The following SYNE2 variants were observed in gnomAD, a reference collection of about 807,000 sequenced individuals.
SYNE2 encodes the protein nesprin-2.
Under a neutral mutation model 856.3 loss-of-function variants are expected in SYNE2, and 431 were observed. The observed-to-expected ratio is 0.50, with a 90% CI of 0.47 to 0.55. The LOEUF is 0.55. Ranked by LOEUF, SYNE2 falls within the 20% of genes least tolerant of loss-of-function variation. SYNE2 has a pLI of 0.00. For missense variants in SYNE2, 8,129 were observed against 8,023.2 expected, an observed-to-expected ratio of 1.01 and a Z score of -0.50; for synonymous variants, 2,923 against 2,872.3, an observed-to-expected ratio of 1.02 and a Z score of -0.56.
At position 64,052,240 on chromosome 14, in the gene SYNE2, T is replaced by C; in HGVS notation, c.8327T>C (p.Leu2776Pro). The change falls in exon 48 of 116, where the codon CTA (leucine) becomes CCA (proline). Residue 2776 changes from leucine to proline, a missense_variant. Leu to Pro is a moderately conservative substitution (Grantham distance 98, BLOSUM62 -3). Coordinates refer to ENST00000555002, the MANE Select transcript of SYNE2 (RefSeq NM_182914.3). ...TGCAAAGTGACACATGATGGCATTC[T>C]AGCTAGGCAGCAGTCTGTGGAATCG... Reference protein sequence around the residue: ...RKCKVTHDGILARQQSVESLA... With the variant: ...RKCKVTHDGIPARQQSVESLA... The C allele has an allele frequency of 6.2e-7, 1 of 1,614,216 alleles. No individual in the cohort carries two copies. The highest frequency in any genetic ancestry group is 8.5e-7 in the Non-Finnish European group (1 of 1,180,050).
intron 1 of SYNE2, among the ~76,000 whole-genome samples, chr14:63,846,126 C>G (rs1595168637): frequency 6.6e-6 from 1 of 150,414 alleles, no homozygotes; most frequent in Admixed American, 6.7e-5. Flanking sequence ...TATGGCTCAC[C>G]AGAGCCTCAA....
At chr14:64,161,314 AGCCTG>A (rs2098327743) in intron 87 of SYNE2, among the ~76,000 whole-genome samples, 1 of 152,066 alleles carries the variant, frequency 6.6e-6, no homozygotes, top group South Asian at 2.1e-4. Context: ...ACTGCACTCC[AGCCTG>A]GGCAACAGAG....
Position 64,208,849 on chromosome 14 carries a change from C to T in SYNE2, c.18293C>T (p.Ala6098Val). The change falls in exon 101 of 116, where the codon GCA (alanine) becomes GTA (valine). Residue 6098 changes from alanine (A) to valine (V), a missense_variant. Around this residue, in one of 3 missense-constraint regions of SYNE2, gnomAD observed 5,410 missense variants for 5,284.8 expected, o/e 1.02. Transcript: ENST00000555002. ...CTACTGCACGACTCCGATGCCTGTG[C>T]AAATGAGACCGAGTGTGACTCGATC... is the stretch of plus-strand genomic sequence containing the variant. ...DVLLHDSDAC[A>V]NETECDSIQQ... 6.2e-7 allele frequency: 1 copy of T among 1,614,232 alleles called. No homozygotes were observed. Among genetic ancestry groups the T allele is most frequent in the Non-Finnish European group, 8.5e-7 (1 of 1,180,046 alleles).
intron 1 of SYNE2, among the ~76,000 whole-genome samples, chr14:63,765,998 C>T (rs914304586): frequency 6.6e-6 from 1 of 152,030 alleles, no homozygotes; most frequent in Non-Finnish European, 1.5e-5. Flanking sequence ...GAGCAAGACC[C>T]TGTCTCAATA....
intron 1 of SYNE2, among the ~76,000 whole-genome samples, chr14:63,844,688 A>G (rs1890175126): frequency 6.6e-6 from 1 of 152,148 alleles, no homozygotes; most frequent in African/African-American, 2.4e-5. Context: ...AATCAATATT[A>G]TATTGATTGG....
At chr14:63,968,303 G>A (rs184704577) in intron 11 of SYNE2, among the ~76,000 whole-genome samples, 33 of 152,236 alleles carry the variant, frequency 2.2e-4, no homozygotes, top group African/African-American at 7.2e-4. Flanking sequence ...TTTCTCCATG[G>A]CATCATTTGG....
At chr14:64,004,111 G>A (rs370206364) in intron 30 of SYNE2, among the ~76,000 whole-genome samples, 62 of 151,722 alleles carry the variant, frequency 4.1e-4, no homozygotes, top group African/African-American at 1.3e-3. Flanking sequence ...TGCAACCTCC[G>A]CCTCCTGGGT....
In SYNE2 at chr14:64,051,787, A is replaced by G; in HGVS notation, c.7874A>G (p.Tyr2625Cys). ...AAGTATTCTCAGCAGGTAGTGGAAT[A>G]TGATGAATTTACAACCCTCATGAAT... ...QKKYSQQVVE[Y>C]DEFTTLMNKV... The change falls in exon 48 of 116, where the codon TAT (tyrosine) becomes TGT (cysteine). Residue 2625 changes from tyrosine to cysteine, a missense_variant. Around this residue, in one of 3 missense-constraint regions of SYNE2, gnomAD observed 5,410 missense variants for 5,284.8 expected, o/e 1.02. Transcript: ENST00000555002. The G allele has an allele frequency of 6.2e-7, 1 of 1,614,202 alleles. No individual in the cohort carries two copies. Among genetic ancestry groups the G allele is most frequent in the Non-Finnish European group, 8.5e-7 (1 of 1,180,032 alleles).
At chr14:64,093,218 C>T (rs2097644704) in intron 60 of SYNE2, 131 bp from the exon 61 acceptor site, 3 of 1,023,130 alleles carry the variant, frequency 2.9e-6, no homozygotes, top group Non-Finnish European at 4.4e-6. Flanking sequence ...GCTACCACGT[C>T]CTATTGAAAT....
At chr14:64,158,268 A>G (rs1267220761) in intron 85 of SYNE2, among the ~76,000 whole-genome samples, 3 of 152,148 alleles carry the variant, frequency 2.0e-5, no homozygotes, top group Admixed American at 6.5e-5. Context: ...GAGGAAACTG[A>G]CTCTAGGGTC....
intron 9 of SYNE2, 67 bp downstream of exon 9, chr14:63,961,692 A>C: frequency 8.6e-7 from 1 of 1,158,356 alleles, no homozygotes; most frequent in Non-Finnish European, 1.3e-6. Context: ...AATTTTTAAA[A>C]TCAAGATATA....
chr14:64,184,292 G>A, intron 96 of SYNE2, among the ~76,000 whole-genome samples: 1 of 151,722 alleles, frequency 6.6e-6, no homozygotes, highest in East Asian at 1.9e-4. Flanking sequence ...TGGAGCTAAT[G>A]GTCCAGTCTG....
intron 11 of SYNE2, among the ~76,000 whole-genome samples, chr14:63,969,159 G>A (rs948441400): frequency 1.6e-4 from 24 of 149,638 alleles, no homozygotes; most frequent in African/African-American, 5.4e-4. Flanking sequence ...GCAAATGACA[G>A]AATCTCATTC....
At chr14:64,133,606 T>C (rs1361419022) in intron 77 of SYNE2, among the ~76,000 whole-genome samples, 1 of 152,176 alleles carries the variant, frequency 6.6e-6, no homozygotes, top group Non-Finnish European at 1.5e-5. Context: ...AGACCTATGC[T>C]GCAAGTGGCA....
chr14:64,078,738 C>A, intron 55 of SYNE2, 132 bp downstream of exon 55: 1 of 1,147,744 alleles, frequency 8.7e-7, no homozygotes, highest in Non-Finnish European at 1.3e-6. Context: ...TCCACAGGGG[C>A]ATCACCTAGA....
At chr14:63,851,129 G>A (rs539093503), upstream of SYNE2, among the ~76,000 whole-genome samples, 2 of 152,264 alleles carry the variant, frequency 1.3e-5, no homozygotes, top group South Asian at 2.1e-4. Context: ...TGGGGAGGCC[G>A]AGGTGGATGG....
Position 63,815,273 on chromosome 14 carries a change from G to A in SYNE2, c.-304-37228G>A, listed in dbSNP as rs561256955. Among the ~76,000 whole-genome samples, 45 of 84,880 alleles carry A rather than the reference G, an allele frequency of 5.3e-4. 4 individuals are homozygous for A. The highest frequency in any genetic ancestry group is 3.1e-3 in the South Asian group (6 of 1,914). The allele number at this position is 84,880 out of a possible 152,430, so 55.7% of individuals were successfully genotyped here. A position where few individuals can be genotyped will look rare whatever the true frequency, so the allele number is the denominator to read the frequency against. On this transcript the variant is annotated intron_variant, in intron 1 of 23. Transcript: ENST00000674003. ...ATATATATATAAGGGAGTTTATTAA[G>A]GTGTATTAAACTCACAGGATCACAA...
chr14:63,859,474 C>T (rs1377247029), intron 1 of SYNE2, among the ~76,000 whole-genome samples: 1 of 151,940 alleles, frequency 6.6e-6, no homozygotes, highest in African/African-American at 2.4e-5. Flanking sequence ...ACTTTAGTGA[C>T]ATCTCACAAA....
chr14:64,204,628 T>A (rs570118745), intron 100 of SYNE2, among the ~76,000 whole-genome samples: 2 of 152,336 alleles, frequency 1.3e-5, no homozygotes, highest in African/African-American at 2.4e-5. Context: ...CTGGTTGATT[T>A]GAAAATTCTG....
Sources: allele counts gnomAD v4.1 joint callset (sites outside exome capture counted in the v4.1 genomes callset), GRCh38; gene constraint gnomAD v4.1.1; regional missense constraint gnomAD v4.1.1; transcripts MANE v1.5; gene names NCBI Gene and HGNC (gene_info 2026-07-23, HGNC 2026-07-21).